DNAI3: variants seen among roughly 807,000 people sequenced by gnomAD.
The protein encoded by DNAI3 is WD repeat domain 63.
DNAI3 carries 83 observed loss-of-function variants against 115.5 expected under a neutral mutation model. That is an observed-to-expected ratio of 0.72 (90% CI 0.60 to 0.86). DNAI3 has a LOEUF of 0.86. Among genes scored for constraint, DNAI3 ranks in the 40% least tolerant of loss-of-function variants. The pLI, the probability that DNAI3 is intolerant of heterozygous loss-of-function variation, is 0.00. For synonymous variants in DNAI3, 320 were observed against 347.0 expected, an observed-to-expected ratio of 0.92 and a Z score of 0.86; for missense variants, 1,004 against 1,075.8, an observed-to-expected ratio of 0.93 and a Z score of 0.93.
chr1:85,103,431 T>G (rs1004005959), intron 13 of DNAI3, among the ~76,000 whole-genome samples: 5 of 152,098 alleles, frequency 3.3e-5, no homozygotes, highest in Non-Finnish European at 7.4e-5. Flanking sequence ...GGCGTCTCAT[T>G]TAACACTTAG....
intron 3 of DNAI3, among the ~76,000 whole-genome samples, chr1:85,079,248 T>C (rs1442529601): frequency 2.6e-5 from 4 of 151,486 alleles, no homozygotes; most frequent in Admixed American, 1.3e-4. Flanking sequence ...CCAGGTGTTA[T>C]GGTTAGTCTT....
chr1:85,093,475 A>T lies in DNAI3; in HGVS notation c.875A>T (p.Gln292Leu). The T allele has an allele frequency of 6.2e-7, 1 of 1,614,026 alleles. No individual in the cohort carries two copies. The highest frequency in any genetic ancestry group is 8.5e-7 in the Non-Finnish European group (1 of 1,179,978). ...CAAATTAGTGTTGAAATAGCCCTGC[A>T]GCAAAATGAAATCATGAACACATTT... Reference protein sequence around the residue: ...NASISVEIALQQNEIMNTFID... With the variant: ...NASISVEIALLQNEIMNTFID... The change falls in exon 9 of 23, where the codon CAG becomes CTG. Residue 292 changes from glutamine to leucine, a missense_variant. By Grantham distance (113) the Gln-to-Leu change is moderately radical. This residue lies in a region of DNAI3 where 550 missense variants were observed against 568.1 expected (regional missense o/e 0.97). Transcript: ENST00000294664.
rs1654466717 is a variant in DNAI3, at chr1:85,076,704, C to A, written c.103+3612C>A. On this transcript the variant is annotated intron_variant, in intron 3 of 22. Coordinates refer to ENST00000294664, the MANE Select transcript of DNAI3 (RefSeq NM_145172.5). ...ATGAGAACAGCACGGGAAAGACCTG[C>A]CCCCATGATTCAATTACCTCCCACT... Among the ~76,000 whole-genome samples, 4 of 152,212 alleles carry A rather than the reference C, an allele frequency of 2.6e-5. No individual in the cohort carries two copies. The Middle Eastern group carries it at 0.014, about 518-fold the overall frequency.
At chr1:85,114,138 G>T (rs970439380) in intron 16 of DNAI3, among the ~76,000 whole-genome samples, 1 of 150,564 alleles carries the variant, frequency 6.6e-6, no homozygotes, top group African/African-American at 2.5e-5. Flanking sequence ...TCAGCCTCCC[G>T]AGTAGCTGGG....
chr1:85,085,770 C>A lies in DNAI3; in HGVS notation c.541-61C>A. On this transcript the variant is annotated intron_variant, in intron 6 of 22. Transcript: ENST00000294664. ...CTCTGAGTGGATCTGAGCAGAGTAC[C>A]AACATTGCCTACACATCAGGGACTT... 7 of 989,392 alleles carry A rather than the reference C, an allele frequency of 7.1e-6. No homozygotes were observed. The South Asian group carries it at 1.0e-4, about 15-fold the overall frequency. The allele number at this position is 989,392 out of a possible 1,614,324, so 61.3% of individuals were successfully genotyped here. A position where few individuals can be genotyped will look rare whatever the true frequency, so the allele number is the denominator to read the frequency against.
At chr1:85,109,414 G>C (rs1180390638) in intron 15 of DNAI3, among the ~76,000 whole-genome samples, 1 of 152,138 alleles carries the variant, frequency 6.6e-6, no homozygotes, top group Non-Finnish European at 1.5e-5. Flanking sequence ...TATAAATTTG[G>C]GGGACTGGGG....
intron 7 of DNAI3, among the ~76,000 whole-genome samples, chr1:85,087,082 CTTA>C (rs1654819713): frequency 6.6e-6 from 1 of 152,012 alleles, no homozygotes; most frequent in Non-Finnish European, 1.5e-5. Flanking sequence ...TTCCCTTGTG[CTTA>C]TCCCCTCCTT....
chr1:85,120,902 C>T (rs1655976664), intron 17 of DNAI3, among the ~76,000 whole-genome samples: 2 of 152,184 alleles, frequency 1.3e-5, no homozygotes, highest in East Asian at 3.8e-4. Flanking sequence ...TGAGTTTATC[C>T]TTCCCTTTGC....
At position 85,124,280 on chromosome 1, in the gene DNAI3, G is replaced by A. The variant is rs769985117; in HGVS notation, c.2112+29G>A. On this transcript the variant is annotated intron_variant, in intron 19 of 22. Transcript: ENST00000294664. ...AGTTGCCTGCAAAATGGAAGCATGAGTGTGTGATCTTTTGTTATTCAGAAA... is the reference window on the plus strand; with the variant it reads ...AGTTGCCTGCAAAATGGAAGCATGAATGTGTGATCTTTTGTTATTCAGAAA... 4.3e-6 allele frequency: 7 copies of A among 1,613,988 alleles called. No individual in the cohort carries two copies. The East Asian group carries it at 1.1e-4, about 26-fold the overall frequency.
intron 20 of DNAI3, among the ~76,000 whole-genome samples, chr1:85,127,334 T>C (rs1339416809): frequency 1.3e-5 from 2 of 152,228 alleles, no homozygotes; most frequent in East Asian, 1.9e-4. Context: ...AAACATGATG[T>C]ATGTCCTTTG....
At chr1:85,066,374 G>A (rs1193449467) in intron 1 of DNAI3, among the ~76,000 whole-genome samples, 1 of 140,218 alleles carries the variant, frequency 7.1e-6, no homozygotes, top group Admixed American at 7.7e-5. Flanking sequence ...CCAGGCTGGA[G>A]TGCAGTGGCA....
At chr1:85,099,193 A>G (rs1655212437) in intron 13 of DNAI3, 1 of 938,554 alleles carries the variant, frequency 1.1e-6, no homozygotes, top group Non-Finnish European at 1.3e-6. Context: ...CTCACAAAGC[A>G]TGGGATCTAT....
intron 8 of DNAI3, among the ~76,000 whole-genome samples, chr1:85,091,263 A>G (rs1196482633): frequency 1.3e-5 from 2 of 152,258 alleles, no homozygotes; most frequent in African/African-American, 4.8e-5. Flanking sequence ...ATCAATATCC[A>G]GAGAAAACTA....
chr1:85,085,789 G>GTTTTTCTTCA (rs78237272), intron 6 of DNAI3, 42 bp from the exon 7 acceptor site: 28 of 1,587,844 alleles, frequency 1.8e-5, no homozygotes, highest in East Asian at 2.2e-5. Flanking sequence ...CTACACATCA[G>GTTTTTCTTCA]GGACTTCATT....
intron 14 of DNAI3, among the ~76,000 whole-genome samples, chr1:85,105,528 C>CAAAAAAAAAAAAAA (rs755945527): frequency 9.7e-5 from 5 of 51,650 alleles, no homozygotes; most frequent in Non-Finnish European, 1.8e-4. Flanking sequence ...AACTCTGTCT[C>CAAAAAAAAAAAAAA]AAAAAAAAAA....
At chr1:85,066,657 GATTTCAGCTGGGAACAGAA>G (rs1654110973) in intron 1 of DNAI3, among the ~76,000 whole-genome samples, 1 of 151,972 alleles carries the variant, frequency 6.6e-6, no homozygotes, top group African/African-American at 2.4e-5. Flanking sequence ...ATTACAAATT[GATTTCAGCTGGGAACAGAA>G]AAAATGTTAT....
At chr1:85,076,744 T>C (rs1019678848) in intron 3 of DNAI3, among the ~76,000 whole-genome samples, 5 of 152,188 alleles carry the variant, frequency 3.3e-5, no homozygotes, top group African/African-American at 1.2e-4. Context: ...ATGGGAGTTA[T>C]TCAAGATGAG....
chr1:85,124,306 G>T, intron 19 of DNAI3, 55 bp downstream of exon 19: 1 of 1,613,312 alleles, frequency 6.2e-7, no homozygotes, highest in Non-Finnish European at 8.5e-7. Flanking sequence ...TATTCAGAAA[G>T]ACAAGAGGAA....
intron 4 of DNAI3, 81 bp from the exon 5 acceptor site, chr1:85,082,219 A>G (rs1654653063): frequency 8.8e-7 from 1 of 1,137,066 alleles, no homozygotes; most frequent in Non-Finnish European, 1.3e-6. Flanking sequence ...TTGATTAGCG[A>G]AATGTGAATT....
Sources: allele counts gnomAD v4.1 joint callset (sites outside exome capture counted in the v4.1 genomes callset), GRCh38; gene constraint gnomAD v4.1.1; regional missense constraint gnomAD v4.1.1; transcripts MANE v1.5; gene names NCBI Gene and HGNC (gene_info 2026-07-23, HGNC 2026-07-21).